CDR2: variants seen among roughly 807,000 people sequenced by gnomAD.
CDR2 encodes cerebellar degeneration related protein 2.
A neutral mutation model predicts 48.4 loss-of-function variants in CDR2; 34 were observed. The ratio of observed to expected loss-of-function variants is 0.70; its 90% CI spans 0.53 to 0.94. The LOEUF (loss-of-function observed/expected upper bound fraction) is 0.94. Ranked by LOEUF, CDR2 falls within the 40% of genes least tolerant of loss-of-function variation. The pLI, the probability that CDR2 is intolerant of heterozygous loss-of-function variation, is 0.00. For synonymous variants in CDR2, 240 were observed against 219.7 expected (o/e 1.09, Z -0.82); for missense variants, 498 against 549.5 (o/e 0.91, Z 0.94).
intron 1 of CDR2, among the ~76,000 whole-genome samples, chr16:22,371,586 A>G (rs2049076880): frequency 6.6e-6 from 1 of 152,266 alleles, no homozygotes; most frequent in Non-Finnish European, 1.5e-5. Flanking sequence ...TTGAGAAATG[A>G]ACAAGTTTTA....
chr16:22,356,940 C>CAAAA (rs1047380020), intron 2 of CDR2, among the ~76,000 whole-genome samples: 4 of 28,858 alleles, frequency 1.4e-4, no homozygotes, highest in Non-Finnish European at 1.4e-4. Flanking sequence ...GACTCCATCT[C>CAAAA]AAAAAAAAAA....
At chr16:22,352,790 G>A (rs927281574) in intron 2 of CDR2, among the ~76,000 whole-genome samples, 1 of 152,190 alleles carries the variant, frequency 6.6e-6, no homozygotes, top group African/African-American at 2.4e-5. Context: ...AGAAAGGTGA[G>A]CACATGGCAC....
chr16:22,369,418 A>T (rs1036684234), intron 1 of CDR2, among the ~76,000 whole-genome samples: 15 of 152,198 alleles, frequency 9.9e-5, no homozygotes, highest in Admixed American at 7.9e-4. Flanking sequence ...GTAGCCAGGA[A>T]CCTCTTCCCT....
In CDR2 at chr16:22,346,795, C is replaced by G. The variant is rs1234077426; in HGVS notation, c.*170G>C. 1.4e-6 allele frequency: 1 copy of G among 739,718 alleles called. No individual in the cohort carries two copies. Among genetic ancestry groups the G allele is most frequent in the African/African-American group, 1.8e-5 (1 of 56,994 alleles). 45.8% of individuals were successfully genotyped at this position (739,718 alleles called of 1,614,324 possible). On this transcript the variant is annotated 3_prime_UTR_variant, in exon 5 of 5. Transcript: ENST00000268383. ...GCTTAAATGGAAGTGGATCAGAGAA[C>G]TGATACCACTAGCCACCTCCTTTCC... is the stretch of plus-strand genomic sequence containing the variant.
rs904916451 is a variant in CDR2 at position 22,374,615 on chromosome 16, G to C, written c.-306C>G. On this transcript the variant is annotated 5_prime_UTR_variant, in exon 1 of 5. Coordinates refer to ENST00000268383, the MANE Select transcript of CDR2 (RefSeq NM_001802.2). ...GCCGCCGGGCCCAACGTGGCACTTT[G>C]GCAGAACCCTCCCCGGCCGGGGATG... 1.2e-5 allele frequency: 2 copies of C among 164,000 alleles called. No individual in the cohort carries two copies. The highest frequency in any genetic ancestry group is 2.6e-5 in the Non-Finnish European group (2 of 75,874). 10.2% of individuals were successfully genotyped at this position (164,000 alleles called of 1,614,324 possible).
At chr16:22,360,272 T>C (rs2049002291) in intron 2 of CDR2, among the ~76,000 whole-genome samples, 1 of 152,188 alleles carries the variant, frequency 6.6e-6, no homozygotes, top group African/African-American at 2.4e-5. Context: ...CTTAAAAAAT[T>C]ATCTAAGTTT....
At chr16:22,356,940 CAA>C (rs1047380020) in intron 2 of CDR2, among the ~76,000 whole-genome samples, 1 of 28,872 alleles carries the variant, frequency 3.5e-5, no homozygotes, top group Non-Finnish European at 7.2e-5. Context: ...GACTCCATCT[CAA>C]AAAAAAAAAA....
intron 2 of CDR2, among the ~76,000 whole-genome samples, chr16:22,363,816 T>C (rs1209027148): frequency 6.6e-6 from 1 of 152,194 alleles, no homozygotes; most frequent in Non-Finnish European, 1.5e-5. Flanking sequence ...TCAAGTGGCC[T>C]ACACATAACT....
rs138532275 is a variant in CDR2 at position 22,370,916 on chromosome 16, T to G, written c.79+3315A>C. On this transcript the variant is annotated intron_variant, in intron 1 of 4. Coordinates refer to ENST00000268383, the MANE Select transcript of CDR2 (RefSeq NM_001802.2). ...TGTAAGATACTGAGAACAGGATCAT[T>G]AAAAGTTGTTTTCCAGCCAGGTGCG... Among the ~76,000 whole-genome samples the G allele has an allele frequency of 2.0e-5, 3 of 152,252 alleles. No homozygotes were observed. The East Asian group carries it at 5.8e-4, about 29-fold the overall frequency.
chr16:22,359,265 T>A (rs2048996237), intron 2 of CDR2, among the ~76,000 whole-genome samples: 1 of 152,128 alleles, frequency 6.6e-6, no homozygotes, highest in South Asian at 2.1e-4. Flanking sequence ...TAGCTGGGAT[T>A]ACAGGCGCCC....
At chr16:22,369,799 G>T (rs987040836) in intron 1 of CDR2, among the ~76,000 whole-genome samples, 1 of 151,446 alleles carries the variant, frequency 6.6e-6, no homozygotes, top group African/African-American at 2.4e-5. Flanking sequence ...ATAATTAGTG[G>T]AGGGAATAGA....
At chr16:22,365,747 G>T (rs191366133) in intron 1 of CDR2, among the ~76,000 whole-genome samples, 74 of 152,234 alleles carry the variant, frequency 4.9e-4, no homozygotes, top group African/African-American at 1.7e-3. Flanking sequence ...TCAACTCCCA[G>T]AAATGAAAAT....
rs766880252 is a variant in CDR2 at position 22,347,439 on chromosome 16, A to G, written c.891T>C (p.Thr297=). The G allele has an allele frequency of 1.4e-5, 23 of 1,613,934 alleles. No individual in the cohort carries two copies. In the South Asian group the frequency reaches 2.5e-4, roughly 18 times the overall value. The change falls in exon 5 of 5, where the codon ACT becomes ACC. Residue 297 remains threonine, a synonymous_variant. Transcript: ENST00000268383. ...SQSLLEEMFL[T]VPESHRKPLK... ...GAGGCTTTCTATGTGATTCCGGCAC[A>G]GTCAGGAACATCTCTTCCAGCAGGC...
chr16:22,364,549 C>G (rs2049032450), intron 2 of CDR2, among the ~76,000 whole-genome samples: 1 of 152,070 alleles, frequency 6.6e-6, no homozygotes, highest in Non-Finnish European at 1.5e-5. Flanking sequence ...TCTCTTACCC[C>G]ATTCTGTATA....
At chr16:22,360,188 T>C (rs1227407475) in intron 2 of CDR2, among the ~76,000 whole-genome samples, 1 of 152,112 alleles carries the variant, frequency 6.6e-6, no homozygotes, top group East Asian at 1.9e-4. Context: ...TGGTGTCTGA[T>C]CTCATTACTC....
chr16:22,354,414 T>C (rs1296665164), intron 2 of CDR2, among the ~76,000 whole-genome samples: 1 of 152,216 alleles, frequency 6.6e-6, no homozygotes. Context: ...ATATTTTAAC[T>C]GTACCACAGC....
intron 2 of CDR2, among the ~76,000 whole-genome samples, chr16:22,355,310 C>T (rs765576651): frequency 6.6e-5 from 10 of 152,200 alleles, no homozygotes; most frequent in Non-Finnish European, 1.5e-4. Flanking sequence ...CACTGCAAGG[C>T]AAGTGCCTCC....
chr16:22,349,875 G>A (rs772095019), intron 2 of CDR2, 26 bp from the exon 3 acceptor site: 30 of 1,611,072 alleles, frequency 1.9e-5, no homozygotes, highest in Non-Finnish European at 2.4e-5. Flanking sequence ...AGGACCAGGT[G>A]ACACAAACAG....
At chr16:22,371,848 A>ATGTATGTGTGTGTGTGTGTG (rs1188848345) in intron 1 of CDR2, among the ~76,000 whole-genome samples, 5 of 148,554 alleles carry the variant, frequency 3.4e-5, no homozygotes, top group African/African-American at 9.9e-5. Context: ...AGGTTCAGAT[A>ATGTATGTGTGTGTGTGTGTG]TGTGTGTGTG....
Sources: gnomAD v4.1 joint callset for allele counts (sites outside exome capture counted in the v4.1 genomes callset) on GRCh38, gnomAD v4.1.1 for gene constraint, MANE v1.5 for transcripts, NCBI Gene and HGNC (gene_info 2026-07-23, HGNC 2026-07-21) for gene names.